Variants in HS3ST4 observed in about 807,000 individuals in gnomAD.
HS3ST4 encodes heparan sulfate-glucosamine 3-sulfotransferase 4.
Under a neutral mutation model 29.2 loss-of-function variants are expected in HS3ST4, and 17 were observed. That is an observed-to-expected ratio of 0.58 (90% confidence interval 0.40 to 0.87). The LOEUF (loss-of-function observed/expected upper bound fraction) is 0.87. Among genes scored for constraint, HS3ST4 ranks in the 40% least tolerant of loss-of-function variants. The pLI is 0.00. For missense variants in HS3ST4, 627 were observed against 634.5 expected, an observed-to-expected ratio of 0.99 and a Z score of 0.13; for synonymous variants, 314 against 285.7, an observed-to-expected ratio of 1.10 and a Z score of -1.00.
chr16:25,970,338 A>C (rs1408686401), intron 1 of HS3ST4, among the ~76,000 whole-genome samples: 1 of 152,256 alleles, frequency 6.6e-6, no homozygotes, highest in East Asian at 1.9e-4. Context: ...ATAAGTGCTC[A>C]ATAAATATTG....
intron 1 of HS3ST4, among the ~76,000 whole-genome samples, chr16:25,769,108 T>C (rs1369906091): frequency 2.0e-5 from 3 of 152,180 alleles, no homozygotes; most frequent in Non-Finnish European, 1.5e-5. Context: ...TCAGTGTGGA[T>C]TGGCAGCAAG....
At chr16:25,918,308 A>T (rs979782668) in intron 1 of HS3ST4, among the ~76,000 whole-genome samples, 2 of 152,198 alleles carry the variant, frequency 1.3e-5, no homozygotes, top group African/African-American at 2.4e-5. Flanking sequence ...CCCTCAGCCT[A>T]TTATAAAGCA....
intron 1 of HS3ST4, among the ~76,000 whole-genome samples, chr16:25,698,496 T>G (rs1966314025): frequency 6.6e-6 from 1 of 152,226 alleles, no homozygotes; most frequent in Non-Finnish European, 1.5e-5. Context: ...TTGGATGATC[T>G]TGGTTGAATA....
intron 1 of HS3ST4, among the ~76,000 whole-genome samples, chr16:25,953,118 C>G (rs1200848877): frequency 6.6e-6 from 1 of 152,196 alleles, no homozygotes; most frequent in Non-Finnish European, 1.5e-5. Context: ...CATCCTGGCA[C>G]AGTTTGATGT....
At chr16:25,959,503 C>T (rs1280718247) in intron 1 of HS3ST4, among the ~76,000 whole-genome samples, 1 of 152,126 alleles carries the variant, frequency 6.6e-6, no homozygotes, top group Admixed American at 6.5e-5. Flanking sequence ...AGTCACTGAG[C>T]CAGCACAGAG....
chr16:25,905,729 T>G (rs1028876665), intron 1 of HS3ST4, among the ~76,000 whole-genome samples: 5 of 152,156 alleles, frequency 3.3e-5, no homozygotes, highest in Non-Finnish European at 7.4e-5. Flanking sequence ...TTTTGAGAAA[T>G]GGGGGAAGGC....
chr16:26,123,617 C>T (rs1046383445), intron 1 of HS3ST4, among the ~76,000 whole-genome samples: 21 of 152,154 alleles, frequency 1.4e-4, no homozygotes, highest in Admixed American at 5.9e-4. Context: ...ACCTGTCAGC[C>T]GAGCAGTGTA....
chr16:26,019,297 C>T (rs548937742), intron 1 of HS3ST4, among the ~76,000 whole-genome samples: 10 of 152,244 alleles, frequency 6.6e-5, no homozygotes, highest in African/African-American at 1.9e-4. Context: ...AGTATTTTCA[C>T]GTCCCAATCA....
intron 1 of HS3ST4, among the ~76,000 whole-genome samples, chr16:26,041,551 G>T (rs62034514): frequency 1.3e-5 from 2 of 151,950 alleles, no homozygotes; most frequent in South Asian, 4.2e-4. Flanking sequence ...GAAATAATGG[G>T]AGCCATTGGT....
intron 1 of HS3ST4, among the ~76,000 whole-genome samples, chr16:25,948,621 A>G (rs958007124): frequency 9.2e-5 from 14 of 152,030 alleles, no homozygotes; most frequent in African/African-American, 3.4e-4. Flanking sequence ...AATCACTTGT[A>G]TTGATTCTTG....
intron 1 of HS3ST4, among the ~76,000 whole-genome samples, chr16:25,873,323 C>CA (rs56296232): frequency 0.069 from 3,229 of 46,546 alleles, 43 homozygotes; most frequent in Middle Eastern, 0.11. Context: ...TCCATCCATC[C>CA]TTCCTTCCTT....
chr16:26,120,959 G>A (rs886763651), intron 1 of HS3ST4, among the ~76,000 whole-genome samples: 18 of 152,166 alleles, frequency 1.2e-4, no homozygotes, highest in African/African-American at 3.4e-4. Flanking sequence ...ATTAACACGC[G>A]TACTGAGCAG....
Position 25,858,875 on chromosome 16 carries a change from A to T in HS3ST4, c.734+165724A>T, listed in dbSNP as rs116757818. 7.9e-3 allele frequency among the ~76,000 whole-genome samples: 1,197 copies of T among 151,916 alleles called. 11 individuals are homozygous for T. Among genetic ancestry groups the T allele is most frequent in the African/African-American group, 0.027 (1,135 of 41,426 alleles). On this transcript the variant is annotated intron_variant, in intron 1 of 1. Transcript: ENST00000331351. Reference sequence around the variant, plus strand: ...CTTTGTATGTGTCCTTCCTTTTTTTATCTGGTTTCTCTGAGTGTAATTTCC... The same window carrying T: ...CTTTGTATGTGTCCTTCCTTTTTTTTTCTGGTTTCTCTGAGTGTAATTTCC...
At chr16:25,999,448 G>A (rs186531972) in intron 1 of HS3ST4, among the ~76,000 whole-genome samples, 137 of 151,772 alleles carry the variant, frequency 9.0e-4, no homozygotes, top group Middle Eastern at 3.4e-3. Flanking sequence ...GATTAGATGC[G>A]CAGATGTTTT....
chr16:25,789,337 T>G (rs1185878307), intron 1 of HS3ST4, among the ~76,000 whole-genome samples: 1 of 151,008 alleles, frequency 6.6e-6, no homozygotes, highest in Non-Finnish European at 1.5e-5. Context: ...CATTTTCTCC[T>G]CCCTCTCCTT....
chr16:26,069,828 T>C (rs1211074052), intron 1 of HS3ST4, among the ~76,000 whole-genome samples: 4 of 151,508 alleles, frequency 2.6e-5, no homozygotes, highest in East Asian at 3.9e-4. Flanking sequence ...GTCCTTGCCA[T>C]AGTTTGCTGA....
chr16:26,120,221 T>TATCC (rs892117832), intron 1 of HS3ST4, among the ~76,000 whole-genome samples: 1 of 152,204 alleles, frequency 6.6e-6, no homozygotes, highest in African/African-American at 2.4e-5. Flanking sequence ...CTTTTCTGTC[T>TATCC]ATCCATCATT....
chr16:26,106,033 G>T (rs1005381332), intron 1 of HS3ST4, among the ~76,000 whole-genome samples: 3 of 152,138 alleles, frequency 2.0e-5, no homozygotes, highest in African/African-American at 7.2e-5. Flanking sequence ...ATAAAATGAA[G>T]AACAAAAGAT....
intron 1 of HS3ST4, among the ~76,000 whole-genome samples, chr16:25,911,496 G>GTTTTTTTTTTT (rs542274531): frequency 3.7e-5 from 3 of 82,014 alleles, no homozygotes; most frequent in African/African-American, 1.4e-4. Context: ...CCGTTGTGTG[G>GTTTTTTTTTTT]TTTTTTTTTT....
Sources: gnomAD v4.1 joint callset for allele counts (sites outside exome capture counted in the v4.1 genomes callset) on GRCh38, gnomAD v4.1.1 for gene constraint, MANE v1.5 for transcripts, NCBI Gene and HGNC (gene_info 2026-07-23, HGNC 2026-07-21) for gene names.